The following SBF2 variants were observed in gnomAD, a reference collection of about 807,000 sequenced individuals.
SBF2 encodes SET binding factor 2.
Under a neutral mutation model 225.2 loss-of-function variants are expected in SBF2, and 112 were observed. The observed-to-expected ratio is 0.50, with a 90% CI of 0.43 to 0.58. The LOEUF is 0.58. Ranked by LOEUF, SBF2 falls within the 20% of genes least tolerant of loss-of-function variation. SBF2 has a pLI of 0.00. For missense variants in SBF2, 1,996 were observed against 2,206.2 expected (o/e 0.90, Z 1.91); for synonymous variants, 763 against 773.3 (o/e 0.99, Z 0.22).
intron 18 of SBF2, among the ~76,000 whole-genome samples, chr11:9,857,852 C>T (rs552286053): frequency 2.6e-5 from 4 of 152,192 alleles, no homozygotes; most frequent in Admixed American, 6.5e-5. Context: ...AATACAACTA[C>T]CAAATTTTAC....
intron 25 of SBF2, among the ~76,000 whole-genome samples, chr11:9,841,935 T>C (rs1044766066): frequency 6.6e-6 from 1 of 152,168 alleles, no homozygotes; most frequent in Non-Finnish European, 1.5e-5. Context: ...TTGTTAGTAG[T>C]AGTTTTTGCA....
At chr11:10,084,785 C>T (rs1412300831) in intron 2 of SBF2, among the ~76,000 whole-genome samples, 1 of 152,118 alleles carries the variant, frequency 6.6e-6, no homozygotes, top group African/African-American at 2.4e-5. Flanking sequence ...TTTACAGCAA[C>T]ATGGATGGAA....
intron 2 of SBF2, among the ~76,000 whole-genome samples, chr11:10,089,593 T>C (rs1951702502): frequency 6.6e-6 from 1 of 152,152 alleles, no homozygotes; most frequent in African/African-American, 2.4e-5. Context: ...GTACCTCTTG[T>C]AAACAAATAT....
chr11:10,128,239 T>C (rs1280772568), intron 2 of SBF2, among the ~76,000 whole-genome samples: 1 of 152,196 alleles, frequency 6.6e-6, no homozygotes, highest in Non-Finnish European at 1.5e-5. Flanking sequence ...CTAACTACAC[T>C]ACCTTCACGA....
At chr11:10,290,161 T>G (rs1167786056) in intron 1 of SBF2, among the ~76,000 whole-genome samples, 1 of 152,188 alleles carries the variant, frequency 6.6e-6, no homozygotes, top group African/African-American at 2.4e-5. Flanking sequence ...CTCCTTCCCT[T>G]TTCCTGCTGT....
chr11:10,162,780 A>T (rs1955808415), intron 2 of SBF2, among the ~76,000 whole-genome samples: 1 of 152,308 alleles, frequency 6.6e-6, no homozygotes, highest in Non-Finnish European at 1.5e-5. Flanking sequence ...GATGGAAGGA[A>T]ATCAAAGAGA....
intron 20 of SBF2, among the ~76,000 whole-genome samples, 156 bp downstream of exon 20, chr11:9,853,384 T>G (rs940587693): frequency 2.6e-5 from 4 of 152,232 alleles, no homozygotes; most frequent in African/African-American, 9.6e-5. Context: ...ATGTTATATA[T>G]GTATTTTACA....
intron 2 of SBF2, among the ~76,000 whole-genome samples, chr11:10,049,310 T>A (rs544882391): frequency 2.4e-4 from 37 of 152,254 alleles, no homozygotes; most frequent in East Asian, 1.2e-3. Context: ...TAAAAAAAAA[T>A]TTTATTTTAG....
chr11:9,882,545 A>G (rs1297790864), intron 17 of SBF2, among the ~76,000 whole-genome samples: 3 of 152,156 alleles, frequency 2.0e-5, no homozygotes, highest in South Asian at 2.1e-4. Flanking sequence ...ATGGTGGCTC[A>G]TGTCTGTAAT....
chr11:9,952,893 G>A (rs1399803191), intron 16 of SBF2, among the ~76,000 whole-genome samples: 4 of 152,234 alleles, frequency 2.6e-5, no homozygotes, highest in East Asian at 1.9e-4. Flanking sequence ...ATATATTGGT[G>A]TGGATGCGGT....
intron 2 of SBF2, among the ~76,000 whole-genome samples, chr11:10,138,111 T>A (rs911067591): frequency 6.6e-6 from 1 of 152,166 alleles, no homozygotes; most frequent in Non-Finnish European, 1.5e-5. Flanking sequence ...GGTAAAATCA[T>A]CTAGGTTTGG....
intron 6 of SBF2, among the ~76,000 whole-genome samples, chr11:10,014,530 G>GAAAAAAAAAAAAA (rs1590757635): frequency 1.4e-5 from 1 of 72,220 alleles, no homozygotes; most frequent in Non-Finnish European, 3.1e-5. Context: ...AAAAAAAAAC[G>GAAAAAAAAAAAAA]AAAATGGAGT....
intron 2 of SBF2, among the ~76,000 whole-genome samples, chr11:10,130,317 G>A (rs148674621): frequency 0.082 from 12,187 of 148,900 alleles, 650 homozygotes; most frequent in Middle Eastern, 0.13. Flanking sequence ...AGCCGAGATC[G>A]CACCACTGTA....
intron 2 of SBF2, among the ~76,000 whole-genome samples, chr11:10,164,254 G>A (rs1434551023): frequency 2.0e-5 from 3 of 152,056 alleles, no homozygotes; most frequent in African/African-American, 7.2e-5. Flanking sequence ...CACATGAACT[G>A]CAGGTCTTAC....
chr11:9,835,846 C>A (rs1363062427), intron 26 of SBF2, among the ~76,000 whole-genome samples: 1 of 151,738 alleles, frequency 6.6e-6, no homozygotes, highest in African/African-American at 2.4e-5. Flanking sequence ...GAGTATGATA[C>A]CATTTATCTA....
intron 33 of SBF2, among the ~76,000 whole-genome samples, chr11:9,792,710 C>T (rs908313809): frequency 6.6e-6 from 1 of 152,000 alleles, no homozygotes; most frequent in African/African-American, 2.4e-5. Flanking sequence ...ATGATTTCTA[C>T]TGAGGCTTCG....
intron 16 of SBF2, among the ~76,000 whole-genome samples, chr11:9,932,985 A>C (rs1400237447): frequency 4.1e-5 from 6 of 146,512 alleles, no homozygotes; most frequent in East Asian, 4.1e-4. Flanking sequence ...AAAAAAAAAA[A>C]AACAGGTGTT....
At chr11:10,029,726 G>T in intron 5 of SBF2, 39 bp downstream of exon 5, 1 of 1,221,288 alleles carries the variant, frequency 8.2e-7, no homozygotes, top group Non-Finnish European at 1.2e-6. Context: ...GAGGGGAAGA[G>T]GAACAATCCT....
chr11:9,839,363 C>G, intron 26 of SBF2, 135 bp downstream of exon 26: 1 of 873,494 alleles, frequency 1.1e-6, no homozygotes, highest in Non-Finnish European at 1.9e-6. Context: ...GATGCTTGCT[C>G]GTATCCTGGA....
Sources: allele counts gnomAD v4.1 joint callset (sites outside exome capture counted in the v4.1 genomes callset), GRCh38; gene constraint gnomAD v4.1.1; transcripts MANE v1.5; gene names NCBI Gene and HGNC (gene_info 2026-07-23, HGNC 2026-07-21).